RBFOX1: variants seen among roughly 807,000 people sequenced by gnomAD.
RBFOX1 encodes the protein RNA binding fox-1 homolog 1.
A neutral mutation model predicts 57.7 loss-of-function variants in RBFOX1; 8 were observed. That is an observed-to-expected ratio of 0.14 (90% confidence interval 0.08 to 0.25). The LOEUF (loss-of-function observed/expected upper bound fraction) is 0.25. RBFOX1 is among the 10% of genes least tolerant of loss of function. RBFOX1 has a pLI of 1.00. For missense variants in RBFOX1, 611 were observed against 548.5 expected (o/e 1.11, Z -1.14); for synonymous variants, 326 against 222.4 (o/e 1.47, Z -4.15).
At chr16:5,953,281 C>G (rs1338721157) in intron 4 of RBFOX1, among the ~76,000 whole-genome samples, 1 of 152,162 alleles carries the variant, frequency 6.6e-6, no homozygotes, top group Non-Finnish European at 1.5e-5. Context: ...AAATGTGTAA[C>G]AATTTTTTAG....
In RBFOX1 at chr16:5,567,635, C is replaced by CAAAA. The variant is rs34858401; in HGVS notation, c.259-31247_259-31244dup. Among the ~76,000 whole-genome samples the CAAAA allele has an allele frequency of 5.4e-4, 34 of 63,106 alleles. 1 individual carries two copies. Among genetic ancestry groups the CAAAA allele is most frequent in the Non-Finnish European group, 5.4e-4 (20 of 37,232 alleles). The allele number at this position is 63,106 out of a possible 152,430, so 41.4% of individuals were successfully genotyped here. A position where few individuals can be genotyped will look rare whatever the true frequency, so the allele number is the denominator to read the frequency against. On this transcript the variant is annotated intron_variant, in intron 2 of 2. Coordinates refer to the RBFOX1 transcript ENST00000585867. ...AGTGGGGGGGTATTCAGGTTATAGG[C>CAAAA]AAAAAAAAAAAAAAAAAAAAAAAGC... is the stretch of plus-strand genomic sequence containing the variant.
At chr16:6,041,568 G>A (rs2095436699) in intron 1 of RBFOX1, among the ~76,000 whole-genome samples, 1 of 152,110 alleles carries the variant, frequency 6.6e-6, no homozygotes, top group African/African-American at 2.4e-5. Context: ...TCATCCGTAT[G>A]TGACTCCCTG....
chr16:7,133,805 G>A (rs1184895262), intron 4 of RBFOX1, among the ~76,000 whole-genome samples: 3 of 152,164 alleles, frequency 2.0e-5, no homozygotes, highest in East Asian at 1.9e-4. Context: ...GACTGACACA[G>A]CTTCTTTGCT....
chr16:7,138,009 A>G (rs2072529302), intron 4 of RBFOX1, among the ~76,000 whole-genome samples: 1 of 152,194 alleles, frequency 6.6e-6, no homozygotes, highest in African/African-American at 2.4e-5. Flanking sequence ...AGGTTAGGTA[A>G]CTTGCCCGAG....
intron 2 of RBFOX1, among the ~76,000 whole-genome samples, chr16:6,536,375 C>G (rs1164087653): frequency 6.6e-6 from 1 of 152,124 alleles, no homozygotes; most frequent in Non-Finnish European, 1.5e-5. Context: ...TCAATTGACT[C>G]CAAATGTTTT....
chr16:7,632,459 T>C (rs567532438), intron 11 of RBFOX1, among the ~76,000 whole-genome samples: 26 of 152,212 alleles, frequency 1.7e-4, no homozygotes, highest in Non-Finnish European at 3.1e-4. Context: ...ACCAGGTAGG[T>C]ATCACAATGT....
intron 15 of RBFOX1, 141 bp downstream of exon 15, chr16:7,709,272 AT>A (rs1186792996): frequency 6.5e-5 from 62 of 955,834 alleles, no homozygotes; most frequent in Non-Finnish European, 9.2e-5. Context: ...AAAATGCCAC[AT>A]TAATCCTCCC....
At chr16:7,393,263 A>G (rs530546017) in intron 4 of RBFOX1, among the ~76,000 whole-genome samples, 280 of 152,306 alleles carry the variant, frequency 1.8e-3, no homozygotes, top group Non-Finnish European at 1.4e-3. Flanking sequence ...TGGCCCATGC[A>G]GGATCTCACT....
At chr16:7,329,281 C>A (rs1260853159) in intron 4 of RBFOX1, among the ~76,000 whole-genome samples, 3 of 152,212 alleles carry the variant, frequency 2.0e-5, no homozygotes, top group Admixed American at 1.3e-4. Flanking sequence ...TAGCCACTAC[C>A]AGAACTGCCC....
chr16:6,038,657 G>A (rs1478534218), intron 1 of RBFOX1: 2 of 147,392 alleles, frequency 1.4e-5, no homozygotes, highest in African/African-American at 5.0e-5. Flanking sequence ...CACTTAGTAG[G>A]AGCTTTTGTG....
At chr16:7,676,490 A>G (rs567499311) in intron 13 of RBFOX1, among the ~76,000 whole-genome samples, 1 of 152,212 alleles carries the variant, frequency 6.6e-6, no homozygotes, top group African/African-American at 2.4e-5. Context: ...CCACCCCAAG[A>G]CAATCGCCAT....
At chr16:6,279,039 G>A (rs1482645852) in intron 1 of RBFOX1, among the ~76,000 whole-genome samples, 3 of 152,028 alleles carry the variant, frequency 2.0e-5, no homozygotes, top group African/African-American at 7.3e-5. Flanking sequence ...ATTGATCCTG[G>A]TGGTGAGGTG....
At chr16:5,242,105 C>T (rs1203498049) in intron 1 of RBFOX1, among the ~76,000 whole-genome samples, 2 of 151,724 alleles carry the variant, frequency 1.3e-5, no homozygotes, top group Non-Finnish European at 2.9e-5. Context: ...CAAAGTGAGA[C>T]CCTGTTTCAA....
At chr16:5,902,459 A>C (rs2058327124) in intron 4 of RBFOX1, among the ~76,000 whole-genome samples, 1 of 151,900 alleles carries the variant, frequency 6.6e-6, no homozygotes, top group African/African-American at 2.4e-5. Context: ...TGACACCCAG[A>C]CTGGAGCGTA....
intron 2 of RBFOX1, among the ~76,000 whole-genome samples, chr16:6,653,841 T>G (rs940745099): frequency 6.7e-6 from 1 of 149,708 alleles, no homozygotes; most frequent in East Asian, 2.0e-4. Flanking sequence ...GATAGATGGA[T>G]GATTGGATAG....
chr16:7,441,764 G>T (rs867248439), intron 4 of RBFOX1, among the ~76,000 whole-genome samples: 8 of 152,302 alleles, frequency 5.3e-5, no homozygotes, highest in East Asian at 1.9e-4. Flanking sequence ...GCACACCTCA[G>T]TGTGGAGATG....
intron 3 of RBFOX1, among the ~76,000 whole-genome samples, chr16:5,701,334 A>G (rs1433324905): frequency 2.0e-5 from 3 of 152,236 alleles, no homozygotes; most frequent in Admixed American, 6.5e-5. Flanking sequence ...AAATCATTTG[A>G]AAGTTTATTT....
At chr16:6,824,453 T>A (rs762675992) in intron 3 of RBFOX1, among the ~76,000 whole-genome samples, 1 of 152,218 alleles carries the variant, frequency 6.6e-6, no homozygotes, top group Non-Finnish European at 1.5e-5. Flanking sequence ...CTCAAGATGT[T>A]CTATTGCTTT....
At chr16:6,585,778 G>GT (rs138408143) in intron 2 of RBFOX1, among the ~76,000 whole-genome samples, 1 of 151,986 alleles carries the variant, frequency 6.6e-6, no homozygotes, top group East Asian at 1.9e-4. Context: ...AACTAATTTA[G>GT]TTTTTTTCTT....
Sources: allele counts gnomAD v4.1 joint callset (sites outside exome capture counted in the v4.1 genomes callset), GRCh38; gene constraint gnomAD v4.1.1; transcripts MANE v1.5; gene names NCBI Gene and HGNC (gene_info 2026-07-23, HGNC 2026-07-21).